The following EIF3H variants were observed in gnomAD, a reference collection of about 807,000 sequenced individuals.
EIF3H encodes eukaryotic translation initiation factor 3 subunit H, also known as eIF-3-gamma.
Under a neutral mutation model 44.2 loss-of-function variants are expected in EIF3H, and 26 were observed. The ratio of observed to expected loss-of-function variants is 0.59; its 90% CI spans 0.43 to 0.82. The LOEUF is 0.82. Ranked by LOEUF, EIF3H falls within the 40% of genes least tolerant of loss-of-function variation. The pLI is 0.00. For synonymous variants in EIF3H, 166 were observed against 151.9 expected (o/e 1.09, Z -0.68); for missense variants, 359 against 432.8 (o/e 0.83, Z 1.51).
At chr8:116,684,971 G>A (rs539406551) in intron 2 of EIF3H, among the ~76,000 whole-genome samples, 23 of 152,158 alleles carry the variant, frequency 1.5e-4, no homozygotes, top group African/African-American at 4.3e-4. Flanking sequence ...CTATTTATTC[G>A]TAAGGGATAC....
intron 2 of EIF3H, among the ~76,000 whole-genome samples, chr8:116,696,755 T>A (rs1327323585): frequency 6.6e-6 from 1 of 152,200 alleles, no homozygotes; most frequent in Non-Finnish European, 1.5e-5. Flanking sequence ...ACTCATTTAT[T>A]TATTCCCTGT....
intron 2 of EIF3H, among the ~76,000 whole-genome samples, chr8:116,663,019 G>A (rs1813607072): frequency 6.6e-6 from 1 of 152,188 alleles, no homozygotes; most frequent in South Asian, 2.1e-4. Flanking sequence ...AAATGAGGGA[G>A]GGAAGAAGCC....
At chr8:116,753,207 G>A (rs889528266) in intron 1 of EIF3H, among the ~76,000 whole-genome samples, 2 of 152,090 alleles carry the variant, frequency 1.3e-5, no homozygotes, top group Non-Finnish European at 2.9e-5. Context: ...CAAAAAGGGG[G>A]AAAGTTGTTA....
rs201052575 is a variant in EIF3H, at chr8:116,721,303, AG to A, written c.289+4712del. 1.1e-3 allele frequency among the ~76,000 whole-genome samples: 167 copies of A among 152,352 alleles called. 3 individuals carry two copies. The East Asian group carries it at 0.029, about 26-fold the overall frequency. ...GGTGTTGAGCCTGCTGGTGCCCAGA[AG>A]TCAAGAATTGAGGTTTGGGAACCTC... On this transcript the variant is annotated intron_variant, in intron 2 of 7. Transcript: ENST00000521861.
chr8:116,705,502 CCA>C (rs1814455154), intron 2 of EIF3H, among the ~76,000 whole-genome samples: 2 of 78,818 alleles, frequency 2.5e-5, no homozygotes, highest in African/African-American at 1.9e-4. Flanking sequence ...CCCCCCCCCA[CCA>C]CCAACACCCC....
chr8:116,652,599 GAA>G (rs974409990), intron 5 of EIF3H, among the ~76,000 whole-genome samples: 2 of 152,114 alleles, frequency 1.3e-5, no homozygotes, highest in African/African-American at 4.8e-5. Context: ...GGTTCAGAAA[GAA>G]AAAGTGTTTA....
chr8:116,758,863 A>G (rs567946421), upstream of EIF3H, among the ~76,000 whole-genome samples: 204 of 152,362 alleles, frequency 1.3e-3, no homozygotes, highest in African/African-American at 4.8e-3. Flanking sequence ...TGTGTGGGGC[A>G]CAGATACATC....
chr8:116,673,482 C>T (rs1407334330), intron 2 of EIF3H, among the ~76,000 whole-genome samples: 1 of 152,108 alleles, frequency 6.6e-6, no homozygotes, highest in East Asian at 1.9e-4. Context: ...AAACATCTTA[C>T]TAACTCCAGT....
chr8:116,669,500 A>C (rs1156516189), intron 2 of EIF3H, among the ~76,000 whole-genome samples: 2 of 152,224 alleles, frequency 1.3e-5, no homozygotes, highest in African/African-American at 4.8e-5. Flanking sequence ...GGACAAGGCT[A>C]TCTGAAAAAA....
intron 1 of EIF3H, among the ~76,000 whole-genome samples, chr8:116,735,050 T>C (rs1815010399): frequency 6.6e-6 from 1 of 152,238 alleles, no homozygotes; most frequent in South Asian, 2.1e-4. Flanking sequence ...TAGGCATGTC[T>C]ATGAAGCTAA....
At chr8:116,752,398 T>C (rs1815357894) in intron 1 of EIF3H, among the ~76,000 whole-genome samples, 1 of 152,058 alleles carries the variant, frequency 6.6e-6, no homozygotes, top group South Asian at 2.1e-4. Context: ...AAAGACACAG[T>C]AATCTGAGTG....
chr8:116,742,085 G>GAAA (rs577454934), intron 1 of EIF3H, among the ~76,000 whole-genome samples: 2 of 133,482 alleles, frequency 1.5e-5, no homozygotes, highest in Admixed American at 1.5e-4. Context: ...ACTTCAATAG[G>GAAA]AAAAAAAAAA....
intron 2 of EIF3H, among the ~76,000 whole-genome samples, chr8:116,714,495 A>G (rs1242687097): frequency 6.6e-6 from 1 of 152,070 alleles, no homozygotes; most frequent in Admixed American, 6.5e-5. Flanking sequence ...TTCCCACTCA[A>G]GTAATTTGCT....
chr8:116,700,021 GTCTC>G (rs1256852075), intron 2 of EIF3H, among the ~76,000 whole-genome samples: 1 of 152,218 alleles, frequency 6.6e-6, no homozygotes, highest in Admixed American at 6.5e-5. Flanking sequence ...GGTCAGGATG[GTCTC>G]AAACTCCAGG....
At chr8:116,741,146 T>C (rs972170120) in intron 1 of EIF3H, among the ~76,000 whole-genome samples, 6 of 152,184 alleles carry the variant, frequency 3.9e-5, no homozygotes, top group African/African-American at 1.4e-4. Context: ...TTCTCATTCA[T>C]TCATCTATCC....
At chr8:116,734,776 T>C (rs150674950) in intron 1 of EIF3H, among the ~76,000 whole-genome samples, 2 of 152,264 alleles carry the variant, frequency 1.3e-5, no homozygotes, top group East Asian at 3.9e-4. Flanking sequence ...GCCAGGCTGG[T>C]CTCACACTCC....
chr8:116,741,458 T>C (rs1378614463), intron 1 of EIF3H, among the ~76,000 whole-genome samples: 1 of 152,212 alleles, frequency 6.6e-6, no homozygotes, highest in Admixed American at 6.5e-5. Context: ...TCTGTATACA[T>C]ATGTGTGTTT....
intron 5 of EIF3H, among the ~76,000 whole-genome samples, chr8:116,653,757 G>A (rs139095963): frequency 1.3e-3 from 205 of 152,128 alleles, no homozygotes; most frequent in African/African-American, 4.8e-3. Context: ...ACTAATAAAG[G>A]CTGTTATGGA....
At chr8:116,743,106 C>T (rs1337343044) in intron 1 of EIF3H, among the ~76,000 whole-genome samples, 1 of 152,140 alleles carries the variant, frequency 6.6e-6, no homozygotes, top group East Asian at 1.9e-4. Context: ...CAGTAAACCA[C>T]ACTTGAAAAC....
Sources: allele counts gnomAD v4.1 joint callset (sites outside exome capture counted in the v4.1 genomes callset), GRCh38; gene constraint gnomAD v4.1.1; transcripts MANE v1.5; gene names NCBI Gene and HGNC (gene_info 2026-07-23, HGNC 2026-07-21).